The following LRP2 variants were observed in gnomAD, a reference collection of about 807,000 sequenced individuals.
LRP2 encodes LDL receptor related protein 2, also known as low-density lipoprotein receptor-related protein 2.
In LRP2, 172 loss-of-function variants were observed where a neutral mutation model predicts 531.0. That is an observed-to-expected ratio of 0.32 (90% CI 0.29 to 0.37). The LOEUF (loss-of-function observed/expected upper bound fraction) is 0.37. Among genes scored for constraint, LRP2 ranks in the 10% least tolerant of loss-of-function variants. LRP2 has a pLI of 1.00. For missense variants in LRP2, 5,167 were observed against 5,868.3 expected, an observed-to-expected ratio of 0.88 and a Z score of 3.90; for synonymous variants, 1,992 against 2,027.6, an observed-to-expected ratio of 0.98 and a Z score of 0.47.
At chr2:169,225,574 G>A (rs2105360289) in intron 32 of LRP2, 121 bp from the exon 33 acceptor site, 1 of 1,187,356 alleles carries the variant, frequency 8.4e-7, no homozygotes, top group Non-Finnish European at 1.2e-6. Context: ...ACACTCAGAG[G>A]AAAGGCAAAC....
chr2:169,341,928 A>T (rs571190700), intron 1 of LRP2, among the ~76,000 whole-genome samples: 2 of 152,166 alleles, frequency 1.3e-5, no homozygotes, highest in African/African-American at 4.8e-5. Context: ...TGGGCCCTCA[A>T]CAAAAGAACT....
chr2:169,160,256 A>C (rs1686523343), intron 63 of LRP2, among the ~76,000 whole-genome samples: 1 of 152,180 alleles, frequency 6.6e-6, no homozygotes. Flanking sequence ...TTGCCAAGAC[A>C]GTAGACTTTA....
At chr2:169,140,846 A>C (rs1472676223) in intron 71 of LRP2, among the ~76,000 whole-genome samples, 1 of 152,236 alleles carries the variant, frequency 6.6e-6, no homozygotes, top group Non-Finnish European at 1.5e-5. Flanking sequence ...ATAATCTCTT[A>C]AAATATTCAC....
intron 3 of LRP2, among the ~76,000 whole-genome samples, chr2:169,316,042 A>G (rs1432657101): frequency 2.6e-5 from 4 of 151,336 alleles, no homozygotes; most frequent in African/African-American, 4.9e-5. Context: ...CTGGAGGCTG[A>G]GAAGTGGGAG....
Position 169,225,421 on chromosome 2 carries a change from G to T in LRP2, c.5427C>A (p.Thr1809=), listed in dbSNP as rs1317228110. The change falls in exon 33 of 79, where the codon ACC becomes ACA. Residue 1809 remains threonine, a synonymous_variant. Coordinates refer to ENST00000649046, the MANE Select transcript of LRP2 (RefSeq NM_004525.3). ...GEIHRVKTDG[T]NRTVFASISM... is the part of the protein sequence containing the mutation. ...ATATAGAAGCAAATACTGTCCTGTT[G>T]GTGCCATCTGTCTTCACTCTGTGAA... The T allele has an allele frequency of 6.2e-6, 10 of 1,613,876 alleles. No homozygotes were observed. Among genetic ancestry groups the T allele is most frequent in the Non-Finnish European group, 8.5e-6 (10 of 1,179,942 alleles).
At chr2:169,348,426 C>A (rs879894281) in intron 1 of LRP2, among the ~76,000 whole-genome samples, 2 of 152,120 alleles carry the variant, frequency 1.3e-5, no homozygotes, top group African/African-American at 2.4e-5. Context: ...GGAACAAGAC[C>A]CATGAATGTC....
intron 3 of LRP2, among the ~76,000 whole-genome samples, chr2:169,314,330 G>T (rs1559071139): frequency 6.6e-6 from 1 of 151,612 alleles, no homozygotes; most frequent in Non-Finnish European, 1.5e-5. Context: ...AGGATCACTT[G>T]AGCCAAAAAA....
At chr2:169,280,211 G>T (rs1683664361) in intron 11 of LRP2, 139 bp downstream of exon 11, 2 of 855,212 alleles carry the variant, frequency 2.3e-6, no homozygotes, top group Non-Finnish European at 3.7e-6. Context: ...CATGGAAAAG[G>T]TGCTGATTAA....
chr2:169,352,825 G>T (rs942521476), intron 1 of LRP2, among the ~76,000 whole-genome samples: 3 of 151,600 alleles, frequency 2.0e-5, no homozygotes, highest in Non-Finnish European at 4.4e-5. Flanking sequence ...CACAGGGGGG[G>T]GAACATCACA....
At chr2:169,265,500 CAG>C (rs1173967324) in intron 16 of LRP2, among the ~76,000 whole-genome samples, 6 of 151,906 alleles carry the variant, frequency 3.9e-5, no homozygotes, top group African/African-American at 1.5e-4. Context: ...AAAATGGAAA[CAG>C]AGGAAGATTA....
At chr2:169,322,097 C>A (rs1684923303) in intron 1 of LRP2, among the ~76,000 whole-genome samples, 1 of 152,178 alleles carries the variant, frequency 6.6e-6, no homozygotes, top group South Asian at 2.1e-4. Flanking sequence ...ATTATATCTT[C>A]CCCATGTATT....
intron 1 of LRP2, among the ~76,000 whole-genome samples, chr2:169,355,940 G>T (rs1235295706): frequency 6.6e-5 from 10 of 152,160 alleles, no homozygotes; most frequent in Admixed American, 6.5e-4. Flanking sequence ...GCTGAGGCTG[G>T]AGTGCAGTGG....
chr2:169,256,355 A>T (rs1418092607), intron 18 of LRP2, 119 bp from the exon 19 acceptor site: 1 of 685,768 alleles, frequency 1.5e-6, no homozygotes, highest in Non-Finnish European at 2.4e-6. Context: ...AGTTTTTAAA[A>T]TTTAAATTAT....
intron 63 of LRP2, among the ~76,000 whole-genome samples, chr2:169,158,251 C>G (rs2105364699): frequency 6.6e-6 from 1 of 152,088 alleles, no homozygotes; most frequent in African/African-American, 2.4e-5. Context: ...AATATTCATA[C>G]TCTTTTACCC....
intron 54 of LRP2, among the ~76,000 whole-genome samples, chr2:169,175,597 T>C (rs1031695428): frequency 3.3e-5 from 5 of 151,746 alleles, no homozygotes; most frequent in African/African-American, 4.8e-5. Flanking sequence ...AAGATCCAAA[T>C]ACAAACTGAA....
Position 169,320,994 on chromosome 2 carries a change from G to T in LRP2, c.80-110C>A, listed in dbSNP as rs1053657091. On this transcript the variant is annotated intron_variant, in intron 1 of 78. Transcript: ENST00000649046. Reference sequence around the variant, plus strand: ...TTATTCAACTAATTAGATAATCAAAGAAATGCAAATTAGAAAATTAGGTAA... The same window carrying T: ...TTATTCAACTAATTAGATAATCAAATAAATGCAAATTAGAAAATTAGGTAA... 1.1e-5 allele frequency: 8 copies of T among 754,792 alleles called. No homozygotes were observed. In the Admixed American group the frequency reaches 1.7e-4, roughly 16 times the overall value. The allele number at this position is 754,792 out of a possible 1,614,324, so 46.8% of individuals were successfully genotyped here.
chr2:169,279,316 G>C lies in LRP2; in HGVS notation c.1565+56C>G. On this transcript the variant is annotated intron_variant, in intron 12 of 78. Transcript: ENST00000649046. The stretch of plus-strand genomic sequence containing the variant: ...TAATCCAGTAGATGTTCAGTGTATA[G>C]AGGGAGAGAGAAAATTCTAAAAATA... 5 of 1,278,384 alleles carry C rather than the reference G, an allele frequency of 3.9e-6. No individual in the cohort carries two copies. In the South Asian group the frequency reaches 6.0e-5, roughly 15 times the overall value. The allele number at this position is 1,278,384 out of a possible 1,614,324, so 79.2% of individuals were successfully genotyped here. A position where few individuals can be genotyped will look rare whatever the true frequency, so the allele number is the denominator to read the frequency against.
chr2:169,182,747 GA>G, intron 50 of LRP2: 1 of 371,534 alleles, frequency 2.7e-6, no homozygotes, highest in South Asian at 1.1e-4. Context: ...GAGAAACTCT[GA>G]ATTATGACAT....
At chr2:169,197,702 G>T (rs16856594) in intron 45 of LRP2, among the ~76,000 whole-genome samples, 5,952 of 152,258 alleles carry the variant, frequency 0.039, 360 homozygotes, top group African/African-American at 0.13. Context: ...CTGATGATTT[G>T]CCAGGGGAGA....
Sources: gnomAD v4.1 joint callset for allele counts (sites outside exome capture counted in the v4.1 genomes callset) on GRCh38, gnomAD v4.1.1 for gene constraint, MANE v1.5 for transcripts, NCBI Gene and HGNC (gene_info 2026-07-23, HGNC 2026-07-21) for gene names.